The following RELN variants were observed in gnomAD, a reference collection of about 807,000 sequenced individuals.
The protein encoded by RELN is reelin.
In RELN, 108 loss-of-function variants were observed where a neutral mutation model predicts 427.6. The observed-to-expected ratio is 0.25, with a 90% CI of 0.22 to 0.30. The LOEUF (loss-of-function observed/expected upper bound fraction) is 0.30, where lower values mean the gene tolerates loss of function less well. Ranked by LOEUF, RELN falls within the 10% of genes least tolerant of loss-of-function variation. The pLI is 1.00. For missense variants in RELN, 3,715 were observed against 4,302.8 expected (o/e 0.86, Z 3.82); for synonymous variants, 1,524 against 1,513.4 (o/e 1.01, Z -0.16).
At chr7:103,864,607 G>A (rs1385855462) in intron 2 of RELN, among the ~76,000 whole-genome samples, 3 of 152,094 alleles carry the variant, frequency 2.0e-5, no homozygotes, top group African/African-American at 4.8e-5. Flanking sequence ...CATCTGTGTT[G>A]TCACAAATGA....
At chr7:103,723,221 A>T in intron 7 of RELN, 30 bp from the exon 8 acceptor site, 4 of 1,385,154 alleles carry the variant, frequency 2.9e-6, no homozygotes, top group Non-Finnish European at 4.1e-6. Context: ...TAAAAATAAG[A>T]CAAGACAGAG....
chr7:103,688,156 C>T (rs1043212175), intron 10 of RELN, among the ~76,000 whole-genome samples: 1 of 151,998 alleles, frequency 6.6e-6, no homozygotes, highest in Non-Finnish European at 1.5e-5. Flanking sequence ...TGCAATTAAC[C>T]ATGCTGGAAT....
In RELN at chr7:103,483,704, T is replaced by A; in HGVS notation, c.10130A>T (p.His3377Leu). The A allele has an allele frequency of 6.2e-7, 1 of 1,614,170 alleles. No individual in the cohort carries two copies. The change falls in exon 62 of 65, where the codon CAC becomes CTC. Residue 3377 changes from histidine (H) to leucine (L), a missense_variant. By Grantham distance (99) the His-to-Leu change is moderately conservative. Transcript: ENST00000428762. ...AGCTTGTGTGAAGTCCTTTGGCTGGTGCTGGGCGATGACATGCCAGGTGAT... is the reference window on the plus strand; with the variant it reads ...AGCTTGTGTGAAGTCCTTTGGCTGGAGCTGGGCGATGACATGCCAGGTGAT... ...NGITWHVIAQ[H>L]QPKDFTQAQR...
chr7:103,773,173 TCTTTCC>T (rs1410173037), intron 4 of RELN, among the ~76,000 whole-genome samples: 1 of 147,610 alleles, frequency 6.8e-6, no homozygotes, highest in African/African-American at 2.5e-5. Flanking sequence ...TCTTTTTCTT[TCTTTCC>T]TTCTTTCTTT....
chr7:103,849,102 T>C (rs553090528), intron 2 of RELN, among the ~76,000 whole-genome samples: 1 of 152,304 alleles, frequency 6.6e-6, no homozygotes, highest in South Asian at 2.1e-4. Flanking sequence ...ATGGACTAAA[T>C]GTCAGATCCT....
At chr7:103,677,198 T>C (rs1176548807) in intron 11 of RELN, among the ~76,000 whole-genome samples, 1 of 135,592 alleles carries the variant, frequency 7.4e-6, no homozygotes, top group Non-Finnish European at 1.5e-5. Context: ...CACTTATAAG[T>C]GGGAGTTGAA....
Position 103,723,205 on chromosome 7 carries a change from A to G in RELN, c.754-14T>C. The stretch of plus-strand genomic sequence containing the variant: ...GCCTGTGGTAATCTAAAGAAAAAAG[A>G]ATACATAAAAATAAGACAAGACAGA... On this transcript the variant is annotated splice_polypyrimidine_tract_variant and intron_variant, in intron 7 of 64. Transcript: ENST00000428762. 6.7e-7 allele frequency: 1 copy of G among 1,502,570 alleles called. No individual in the cohort carries two copies. The highest frequency in any genetic ancestry group is 9.3e-7 in the Non-Finnish European group (1 of 1,079,064). 93.1% of individuals were successfully genotyped at this position (1,502,570 alleles called of 1,614,324 possible). A position where few individuals can be genotyped will look rare whatever the true frequency, so the allele number is the denominator to read the frequency against.
chr7:103,756,978 A>T (rs1373070690), intron 4 of RELN, among the ~76,000 whole-genome samples: 1 of 152,182 alleles, frequency 6.6e-6, no homozygotes, highest in Admixed American at 6.5e-5. Context: ...ATATCAATCT[A>T]GTTTTATGTA....
rs372352934 is a variant in RELN, at chr7:103,876,940, C to G, written c.337+40135G>C. Among the ~76,000 whole-genome samples the G allele has an allele frequency of 7.2e-5, 11 of 152,108 alleles. No homozygotes were observed. In the East Asian group the frequency reaches 9.7e-4, roughly 13 times the overall value. On this transcript the variant is annotated intron_variant, in intron 2 of 64. Transcript: ENST00000428762. The stretch of plus-strand genomic sequence containing the variant: ...CCTCTATGCTGCTAAGCCCTATGGA[C>G]ACTTTTCAGGCTTTACTTCACTTGA...
chr7:103,495,496 T>G (rs891724462), intron 57 of RELN, among the ~76,000 whole-genome samples: 1 of 152,186 alleles, frequency 6.6e-6, no homozygotes, highest in East Asian at 1.9e-4. Context: ...ACCAGCCTAA[T>G]AGTTACATTT....
At chr7:103,918,591 T>C (rs914460356) in intron 1 of RELN, among the ~76,000 whole-genome samples, 3 of 152,206 alleles carry the variant, frequency 2.0e-5, no homozygotes, top group African/African-American at 7.2e-5. Flanking sequence ...TTCACTGATA[T>C]ATCTCGAGTG....
chr7:103,781,969 A>G (rs1791902229), intron 3 of RELN, among the ~76,000 whole-genome samples: 1 of 152,114 alleles, frequency 6.6e-6, no homozygotes, highest in Non-Finnish European at 1.5e-5. Flanking sequence ...AAATATCCTC[A>G]TTGTTTACTA....
At chr7:103,854,920 T>C (rs35963743) in intron 2 of RELN, among the ~76,000 whole-genome samples, 22,139 of 152,202 alleles carry the variant, frequency 0.15, 1,893 homozygotes, top group East Asian at 0.34. Context: ...AAGAACACTA[T>C]TGTAAGTTTC....
chr7:103,861,763 C>T (rs1794076341), intron 2 of RELN, among the ~76,000 whole-genome samples: 1 of 151,948 alleles, frequency 6.6e-6, no homozygotes, highest in African/African-American at 2.4e-5. Flanking sequence ...CAAAAGAAAG[C>T]TTTATAATAA....
At chr7:103,828,496 A>G (rs572918176) in intron 3 of RELN, among the ~76,000 whole-genome samples, 1 of 152,070 alleles carries the variant, frequency 6.6e-6, no homozygotes, top group African/African-American at 2.4e-5. Flanking sequence ...GTTTTGAGAA[A>G]GTTCACATAA....
intron 12 of RELN, among the ~76,000 whole-genome samples, chr7:103,658,715 T>C (rs1249283773): frequency 6.6e-6 from 1 of 152,052 alleles, no homozygotes. Context: ...TTTAACTCCA[T>C]GTATTATACT....
chr7:103,661,613 CACTT>C lies in RELN; in HGVS notation c.1290-90_1290-87del, dbSNP rs1405961032. On this transcript the variant is annotated intron_variant, in intron 11 of 64. Transcript: ENST00000428762. ...ATAACATTTAGTTTTTAGTGAGGGA[CACTT>C]ACTTACTTAGTAATGAATAATTCTG... The C allele has an allele frequency of 3.8e-4, 437 of 1,165,326 alleles. 3 individuals carry two copies. Among genetic ancestry groups the C allele is most frequent in the Non-Finnish European group, 7.6e-5 (61 of 797,638 alleles). The allele number at this position is 1,165,326 out of a possible 1,614,324, so 72.2% of individuals were successfully genotyped here.
At chr7:103,673,639 G>A (rs1309905308) in intron 11 of RELN, among the ~76,000 whole-genome samples, 1 of 152,094 alleles carries the variant, frequency 6.6e-6, no homozygotes, top group Admixed American at 6.6e-5. Flanking sequence ...TAAACTTTCT[G>A]AATCCTGTGT....
chr7:103,572,051 A>G (rs1004819975), intron 31 of RELN, 133 bp downstream of exon 31: 1 of 697,170 alleles, frequency 1.4e-6, no homozygotes, highest in African/African-American at 1.8e-5. Context: ...CACCGATTCT[A>G]CAAAGCAGAA....
Sources: gnomAD v4.1 joint callset for allele counts (sites outside exome capture counted in the v4.1 genomes callset) on GRCh38, gnomAD v4.1.1 for gene constraint, MANE v1.5 for transcripts, NCBI Gene and HGNC (gene_info 2026-07-23, HGNC 2026-07-21) for gene names.